Variants in CELF4 observed in about 807,000 individuals in gnomAD.
The protein encoded by CELF4 is CUG-BP- and ETR-3-like factor 4.
A neutral mutation model predicts 59.9 loss-of-function variants in CELF4; 18 were observed. That is an observed-to-expected ratio of 0.30 (90% confidence interval 0.21 to 0.45). The LOEUF (loss-of-function observed/expected upper bound fraction) is 0.45. Among genes scored for constraint, CELF4 ranks in the 20% least tolerant of loss-of-function variants. CELF4 has a pLI of 1.00. For synonymous variants in CELF4, 261 were observed against 267.1 expected (o/e 0.98, Z 0.22); for missense variants, 456 against 689.0 (o/e 0.66, Z 3.79).
At chr18:37,277,450 C>A (rs1662915) in intron 3 of CELF4, among the ~76,000 whole-genome samples, 14,601 of 152,090 alleles carry the variant, frequency 0.096, 2,334 homozygotes, top group African/African-American at 0.33. Flanking sequence ...GGCTCTGGGG[C>A]ACAAGGAGAA....
intron 1 of CELF4, among the ~76,000 whole-genome samples, chr18:37,554,341 C>T (rs1016609051): frequency 1.3e-5 from 2 of 151,778 alleles, no homozygotes; most frequent in Non-Finnish European, 1.5e-5. Context: ...CAGAGGCCAG[C>T]GGACCTTCTT....
intron 2 of CELF4, among the ~76,000 whole-genome samples, chr18:37,418,360 T>G (rs2099546388): frequency 6.6e-6 from 1 of 152,244 alleles, no homozygotes; most frequent in African/African-American, 2.4e-5. Context: ...ATATCCCCAT[T>G]GCTCACTCTT....
intron 2 of CELF4, among the ~76,000 whole-genome samples, chr18:37,358,700 G>A (rs934340987): frequency 9.9e-5 from 15 of 152,238 alleles, no homozygotes; most frequent in South Asian, 2.1e-4. Context: ...GCATGAAAGC[G>A]CGTAGGCTGT....
chr18:37,286,414 GC>G (rs1030501020), intron 3 of CELF4, among the ~76,000 whole-genome samples: 29 of 152,086 alleles, frequency 1.9e-4, no homozygotes, highest in Non-Finnish European at 7.4e-5. Flanking sequence ...CCCTTATGGG[GC>G]CTCAAATCCT....
intron 1 of CELF4, among the ~76,000 whole-genome samples, chr18:37,521,824 T>A (rs1008186434): frequency 1.2e-4 from 18 of 152,198 alleles, no homozygotes; most frequent in African/African-American, 4.1e-4. Flanking sequence ...CAGGAAGGCT[T>A]GAGGAGTGAC....
chr18:37,548,156 G>T (rs185111936), intron 1 of CELF4, among the ~76,000 whole-genome samples: 36 of 152,160 alleles, frequency 2.4e-4, no homozygotes, highest in Non-Finnish European at 3.5e-4. Flanking sequence ...GTGTGTGTGT[G>T]TTTTTTCAGA....
At chr18:37,305,159 A>G (rs564242281) in intron 3 of CELF4, 2 of 152,328 alleles carry the variant, frequency 1.3e-5, no homozygotes, top group East Asian at 3.9e-4. Flanking sequence ...GCCATTAATA[A>G]CAGGCTGCCG....
At chr18:37,335,052 C>T (rs1226538480) in intron 2 of CELF4, among the ~76,000 whole-genome samples, 1 of 150,862 alleles carries the variant, frequency 6.6e-6, no homozygotes, top group Non-Finnish European at 1.5e-5. Flanking sequence ...CTTGCTCTCC[C>T]GTTTTCTAAC....
At chr18:37,541,471 T>C (rs1029143606) in intron 1 of CELF4, among the ~76,000 whole-genome samples, 1 of 152,142 alleles carries the variant, frequency 6.6e-6, no homozygotes, top group Admixed American at 6.5e-5. Flanking sequence ...GCCCCACCAT[T>C]GCTCCTCTGG....
At chr18:37,405,001 A>G (rs1427778296) in intron 2 of CELF4, among the ~76,000 whole-genome samples, 1 of 152,112 alleles carries the variant, frequency 6.6e-6, no homozygotes, top group African/African-American at 2.4e-5. Flanking sequence ...AAAACAAAAA[A>G]AAGTCCATCA....
In CELF4 at chr18:37,335,482, A is replaced by AGTGTGTGTGT. The variant is rs55853220; in HGVS notation, c.370-13611_370-13602dup. On this transcript the variant is annotated intron_variant, in intron 2 of 12. Transcript: ENST00000420428. The stretch of plus-strand genomic sequence containing the variant: ...TGTGAGTATGCATGTCAGTGCATGC[A>AGTGTGTGTGT]GTGTGTGTGTGTGTGTGTGTGTGTG... Among the ~76,000 whole-genome samples, 367 of 144,276 alleles carry AGTGTGTGTGT rather than the reference A, an allele frequency of 2.5e-3. 1 individual carries two copies. The highest frequency in any genetic ancestry group is 8.9e-3 in the African/African-American group (351 of 39,448). 94.7% of individuals were successfully genotyped at this position (144,276 alleles called of 152,430 possible). A position where few individuals can be genotyped will look rare whatever the true frequency, so the allele number is the denominator to read the frequency against.
intron 1 of CELF4, among the ~76,000 whole-genome samples, chr18:37,561,388 C>A (rs1042231980): frequency 1.3e-5 from 2 of 152,146 alleles, no homozygotes; most frequent in Non-Finnish European, 2.9e-5. Context: ...TTGGGGACAG[C>A]CTTATGTTTA....
intron 1 of CELF4, among the ~76,000 whole-genome samples, chr18:37,555,555 C>T (rs1227938353): frequency 6.6e-6 from 1 of 152,198 alleles, no homozygotes; most frequent in Non-Finnish European, 1.5e-5. Context: ...TTTACATGGG[C>T]ATAATTTCCG....
intron 2 of CELF4, among the ~76,000 whole-genome samples, chr18:37,456,071 C>A (rs2099777409): frequency 6.6e-6 from 1 of 152,196 alleles, no homozygotes; most frequent in Non-Finnish European, 1.5e-5. Flanking sequence ...CATACCTACC[C>A]TTGGTCACCT....
In CELF4 at chr18:37,344,542, G is replaced by A. The variant is rs141006170; in HGVS notation, c.370-22661C>T. Among the ~76,000 whole-genome samples the A allele has an allele frequency of 4.6e-3, 697 of 152,384 alleles. 4 individuals carry two copies. Among genetic ancestry groups the A allele is most frequent in the African/African-American group, 0.016 (664 of 41,590 alleles). The stretch of plus-strand genomic sequence containing the variant: ...TTGGCTATAGCAAGAGAAACTACAG[G>A]TAGACTCTGGAAGAACTGGTCTTTG... On this transcript the variant is annotated intron_variant, in intron 2 of 12. Coordinates refer to ENST00000420428, the MANE Select transcript of CELF4 (RefSeq NM_020180.4).
intron 1 of CELF4, among the ~76,000 whole-genome samples, chr18:37,544,403 C>T (rs1414963887): frequency 2.0e-5 from 3 of 152,154 alleles, no homozygotes; most frequent in Non-Finnish European, 4.4e-5. Context: ...ATTGCATGGC[C>T]CTTGTGCTGC....
chr18:37,564,387 CA>C lies in CELF4; in HGVS notation c.286+968del, dbSNP rs528910492. 9.2e-5 allele frequency among the ~76,000 whole-genome samples: 14 copies of C among 152,230 alleles called. No homozygotes were observed. In the South Asian group the frequency reaches 2.3e-3, roughly 25 times the overall value. On this transcript the variant is annotated intron_variant, in intron 1 of 12. Transcript: ENST00000420428. ...GGGCTCTGCTTTAAAGATAATAAAA[CA>C]AGGAGAAAACAGGCAGGCTGCGGAC...
At chr18:37,252,316 A>G (rs982837348) in intron 12 of CELF4, among the ~76,000 whole-genome samples, 4 of 151,990 alleles carry the variant, frequency 2.6e-5, no homozygotes, top group African/African-American at 9.7e-5. Context: ...CATCTCATCA[A>G]CTGCTGTGAC....
chr18:37,557,862 G>T (rs1431693165), intron 1 of CELF4, among the ~76,000 whole-genome samples: 1 of 152,056 alleles, frequency 6.6e-6, no homozygotes, highest in East Asian at 1.9e-4. Context: ...TGAGCTGCGG[G>T]GAATCACCCT....
Sources: gnomAD v4.1 joint callset for allele counts (sites outside exome capture counted in the v4.1 genomes callset) on GRCh38, gnomAD v4.1.1 for gene constraint, MANE v1.5 for transcripts, NCBI Gene and HGNC (gene_info 2026-07-23, HGNC 2026-07-21) for gene names.